The following SESN3 variants were observed in gnomAD, a reference collection of about 807,000 sequenced individuals.
The protein encoded by SESN3 is sestrin-3.
A neutral mutation model predicts 55.3 loss-of-function variants in SESN3; 21 were observed. The ratio of observed to expected loss-of-function variants is 0.38; its 90% CI spans 0.27 to 0.55. The LOEUF is 0.55. SESN3 is among the 20% of genes least tolerant of loss of function. The pLI, the probability that SESN3 is intolerant of heterozygous loss-of-function variation, is 0.76. For synonymous variants in SESN3, 181 were observed against 203.1 expected (o/e 0.89, Z 0.93); for missense variants, 408 against 604.3 (o/e 0.68, Z 3.41).
chr11:95,230,434 GGGAGGA>G lies in SESN3; in HGVS notation c.78+343_78+348del. On this transcript the variant is annotated intron_variant, in intron 1 of 9. Transcript: ENST00000536441. The surrounding 1 kb of genome is among the most constrained non-coding windows in gnomAD (Gnocchi z 4.6). Reference sequence around the variant, plus strand: ...CCTCCATCAACAGCTAAACTGCACAGGGAGGAGGATCGAACGGATCCCTCCCGCCCT... The same window carrying G: ...CCTCCATCAACAGCTAAACTGCACAGGGATCGAACGGATCCCTCCCGCCCT... 1 of 262,970 alleles carries G rather than the reference GGGAGGA, an allele frequency of 3.8e-6. No homozygotes were observed. The highest frequency in any genetic ancestry group is 7.3e-6 in the Non-Finnish European group (1 of 136,634). 16.3% of individuals were successfully genotyped at this position (262,970 alleles called of 1,614,324 possible). A position where few individuals can be genotyped will look rare whatever the true frequency, so the allele number is the denominator to read the frequency against.
chr11:95,216,513 C>A (rs1184428467), intron 1 of SESN3, among the ~76,000 whole-genome samples: 1 of 152,126 alleles, frequency 6.6e-6, no homozygotes, highest in East Asian at 1.9e-4. Flanking sequence ...AATGCTTCAG[C>A]ACATTGATGG....
rs561614296 is a variant in SESN3 at position 95,172,912 on chromosome 11, G to C, written c.*343C>G. 1.0e-5 allele frequency: 2 copies of C among 199,964 alleles called. No homozygotes were observed. The highest frequency in any genetic ancestry group is 5.8e-5 in the Admixed American group (1 of 17,186). The allele number at this position is 199,964 out of a possible 1,614,324, so 12.4% of individuals were successfully genotyped here. A position where few individuals can be genotyped will look rare whatever the true frequency, so the allele number is the denominator to read the frequency against. On this transcript the variant is annotated 3_prime_UTR_variant, in exon 10 of 10. Coordinates refer to ENST00000536441, the MANE Select transcript of SESN3 (RefSeq NM_144665.4). ...ATTCTTAAAAAAAAAAGGGCGGGGT[G>C]GGGGGAGAAAAAATACACATACACA...
intron 4 of SESN3, among the ~76,000 whole-genome samples, chr11:95,185,971 A>C (rs1860155215): frequency 6.6e-6 from 1 of 152,042 alleles, no homozygotes; most frequent in Admixed American, 6.6e-5. Flanking sequence ...CAGAAATTGT[A>C]GAATACTACC....
In SESN3 at chr11:95,231,020, G is replaced by C. The variant is rs1861051032; in HGVS notation, c.-160C>G. 2.2e-6 allele frequency: 1 copy of C among 459,896 alleles called. No individual in the cohort carries two copies. The allele number at this position is 459,896 out of a possible 1,614,324, so 28.5% of individuals were successfully genotyped here. The stretch of plus-strand genomic sequence containing the variant: ...AGGAGAGGCGACTGCCTGAAAGCTA[G>C]CGGCACTGCCAGAGGCGACCACCGC... On this transcript the variant is annotated 5_prime_UTR_variant, in exon 1 of 10. Coordinates refer to ENST00000536441, the MANE Select transcript of SESN3 (RefSeq NM_144665.4).
At chr11:95,183,671 G>A (rs1331731814) in intron 6 of SESN3, among the ~76,000 whole-genome samples, 3 of 125,660 alleles carry the variant, frequency 2.4e-5, no homozygotes, top group Non-Finnish European at 4.8e-5. Context: ...GACAGAGCAA[G>A]ACTCTGTCTC....
At position 95,175,579 on chromosome 11, in the gene SESN3, A is replaced by G. The variant is rs1190427327; in HGVS notation, c.1311T>C (p.Ile437=). ...QLLERSLKVY[I]KTVTCYPERT... The stretch of plus-strand genomic sequence containing the variant: ...TCTCAGGATAGCAGGTCACTGTCTT[A>G]ATGTAAACCTTCAGGCTTCTTTCAA... Residue 437 remains isoleucine, a synonymous_variant, in exon 9 of 10, where the codon ATT becomes ATC. Coordinates refer to ENST00000536441, the MANE Select transcript of SESN3 (RefSeq NM_144665.4). 1.2e-6 allele frequency: 2 copies of G among 1,613,546 alleles called. No homozygotes were observed. Among genetic ancestry groups the G allele is most frequent in the South Asian group, 1.1e-5 (1 of 91,074 alleles).
At chr11:95,204,889 G>C (rs890624465) in intron 1 of SESN3, 2 of 152,174 alleles carry the variant, frequency 1.3e-5, no homozygotes, top group Non-Finnish European at 2.9e-5. Context: ...TGAAGCACAA[G>C]TGCTGACTTC....
rs1237577786 is a variant in SESN3 at position 95,166,265 on chromosome 11, A to T, written c.*6990T>A. On this transcript the variant is annotated 3_prime_UTR_variant, in exon 10 of 10. Coordinates refer to ENST00000536441, the MANE Select transcript of SESN3 (RefSeq NM_144665.4). ...ACATTAGTCCAGTCACGTGCTTCGT[A>T]AAAAAAAAAAAAAAATTACAGTAAC... 1.4e-5 allele frequency: 1 copy of T among 72,834 alleles called. No homozygotes were observed. The highest frequency in any genetic ancestry group is 3.7e-5 in the African/African-American group (1 of 26,880). The allele number at this position is 72,834 out of a possible 1,614,324, so 4.5% of individuals were successfully genotyped here.
chr11:95,219,705 T>C (rs1339609825), intron 1 of SESN3, among the ~76,000 whole-genome samples: 1 of 152,174 alleles, frequency 6.6e-6, no homozygotes, highest in African/African-American at 2.4e-5. Flanking sequence ...GTTTTCCTAT[T>C]AGACACAGCA....
intron 6 of SESN3, among the ~76,000 whole-genome samples, chr11:95,181,020 G>T (rs1165316372): frequency 6.6e-6 from 1 of 152,088 alleles, no homozygotes; most frequent in Non-Finnish European, 1.5e-5. Context: ...TAGTTTTATA[G>T]GTTGCAAAGT....
At chr11:95,228,255 T>C (rs1450260345) in intron 1 of SESN3, among the ~76,000 whole-genome samples, 1 of 152,232 alleles carries the variant, frequency 6.6e-6, no homozygotes, top group Non-Finnish European at 1.5e-5. Context: ...TTCAACACAC[T>C]GCAACAAATT....
At chr11:95,218,443 C>A (rs1407218505) in intron 1 of SESN3, among the ~76,000 whole-genome samples, 2 of 152,154 alleles carry the variant, frequency 1.3e-5, no homozygotes, top group African/African-American at 2.4e-5. Context: ...TTCCAAAATA[C>A]ACAAACTAAT....
chr11:95,206,657 A>T (rs1329459052), intron 1 of SESN3, among the ~76,000 whole-genome samples: 1 of 151,888 alleles, frequency 6.6e-6, no homozygotes, highest in Non-Finnish European at 1.5e-5. Flanking sequence ...TCTGTTCTTT[A>T]TCTTTCTTTT....
At chr11:95,231,273 C>A, upstream of SESN3, 1 of 393,270 alleles carries the variant, frequency 2.5e-6, no homozygotes, top group Middle Eastern at 6.4e-4. Context: ...GCCAATCGGA[C>A]AGCTCCGGCT....
chr11:95,201,198 T>G (rs1041847382), intron 1 of SESN3: 1 of 152,058 alleles, frequency 6.6e-6, no homozygotes, highest in East Asian at 1.9e-4. Flanking sequence ...AAATTTTACT[T>G]GTTTTACTAA....
rs183009327 is a variant in SESN3, at chr11:95,216,300, T to G, written c.78+14483A>C. Among the ~76,000 whole-genome samples, 1,055 of 152,274 alleles carry G rather than the reference T, an allele frequency of 6.9e-3. 8 individuals are homozygous for G. The highest frequency in any genetic ancestry group is 0.011 in the Non-Finnish European group (771 of 68,012). ...GCCTTTTATAGTAACAATGGACTCC[T>G]CTTTGACAGTCATGTAATGTATACC... On this transcript the variant is annotated intron_variant, in intron 1 of 9. Transcript: ENST00000536441.
intron 1 of SESN3, among the ~76,000 whole-genome samples, chr11:95,218,214 T>C (rs1256139887): frequency 2.0e-5 from 3 of 152,246 alleles, no homozygotes; most frequent in Non-Finnish European, 2.9e-5. Context: ...ACTACTGTGC[T>C]TATGTGTATG....
chr11:95,227,830 T>C (rs1860976086), intron 1 of SESN3, among the ~76,000 whole-genome samples: 1 of 152,230 alleles, frequency 6.6e-6, no homozygotes, highest in Non-Finnish European at 1.5e-5. Flanking sequence ...GATTATGTTC[T>C]TCTAGTTATC....
chr11:95,178,814 T>G lies in SESN3; in HGVS notation c.952A>C (p.Met318Leu). Residue 318 changes from methionine to leucine, a missense_variant, in exon 7 of 10, where the codon ATG (methionine) becomes CTG (leucine). Met to Leu is a conservative substitution (Grantham distance 15, BLOSUM62 2). Transcript: ENST00000536441. ...SFPHSDFEDD[M>L]IITSDVSRYI... ...CGAGAGACATCAGATGTTATAATCA[T>G]GTCATCCTCAAAATCTAAGGACAAT... is the stretch of plus-strand genomic sequence containing the variant. 1 of 1,595,354 alleles carries G rather than the reference T, an allele frequency of 6.3e-7. No homozygotes were observed. Among genetic ancestry groups the G allele is most frequent in the Non-Finnish European group, 8.6e-7 (1 of 1,163,272 alleles).
Sources: gnomAD v4.1 joint callset for allele counts (sites outside exome capture counted in the v4.1 genomes callset) on GRCh38, gnomAD v4.1.1 for gene constraint, Gnocchi (gnomAD v3.1) non-coding constraint, MANE v1.5 for transcripts, NCBI Gene and HGNC (gene_info 2026-07-23, HGNC 2026-07-21) for gene names.